The following UNC80 variants were observed in gnomAD, a reference collection of about 807,000 sequenced individuals.
UNC80 encodes the protein protein unc-80 homolog.
UNC80 carries 164 observed loss-of-function variants against 384.6 expected under a neutral mutation model. The observed-to-expected ratio is 0.43, with a 90% confidence interval of 0.38 to 0.49. The LOEUF (loss-of-function observed/expected upper bound fraction) is 0.49, where lower values mean the gene tolerates loss of function less well. Ranked by LOEUF, UNC80 falls within the 20% of genes least tolerant of loss-of-function variation. The pLI is 0.00. For missense variants in UNC80, 3,330 were observed against 4,143.0 expected (o/e 0.80, Z 5.39); for synonymous variants, 1,486 against 1,527.8 (o/e 0.97, Z 0.64).
In UNC80 at chr2:209,829,340, C is replaced by A; in HGVS notation, c.2587C>A (p.His863Asn). Residue 863 changes from histidine to asparagine, a missense_variant, in exon 15 of 65, where the codon CAT (histidine) becomes AAT (asparagine). By Grantham distance (68) the His-to-Asn change is moderately conservative (BLOSUM62 1). Around this residue, in one of 8 missense-constraint regions of UNC80, gnomAD observed 937 missense variants for 1,026.8 expected, o/e 0.91. Coordinates refer to ENST00000673920, the MANE Select transcript of UNC80 (RefSeq NM_001371986.1). ...TCTCAATAATGTAGTGGACTTCTTG[C>A]ATGCTTTGCTAGGATTTTGTATGGA... ...DSLNNVVDFL[H>N]ALLGFCMEPV... 1 of 1,551,324 alleles carries A rather than the reference C, an allele frequency of 6.4e-7. No individual in the cohort carries two copies. The highest frequency in any genetic ancestry group is 8.7e-7 in the Non-Finnish European group (1 of 1,146,734).
In UNC80 at chr2:209,978,833, T is replaced by C. The variant is rs148042413; in HGVS notation, c.9118+125T>C. ...CCCCTAGTCATTTTTACAAAAGGAG[T>C]TCTAGGGGAAATGTGACTGATTCCA... is the stretch of plus-strand genomic sequence containing the variant. On this transcript the variant is annotated intron_variant, in intron 59 of 64. Transcript: ENST00000673920. The C allele has an allele frequency of 8.4e-5, 79 of 938,980 alleles. No individual in the cohort carries two copies. In the South Asian group the frequency reaches 2.4e-3, roughly 29 times the overall value. The allele number at this position is 938,980 out of a possible 1,614,324, so 58.2% of individuals were successfully genotyped here.
chr2:209,950,764 G>A lies in UNC80; in HGVS notation c.7287-3336G>A, dbSNP rs191335386. The stretch of plus-strand genomic sequence containing the variant: ...GTAGAGACAGAGTTTCTCCATGTTG[G>A]TCAGGTTGGTCTTGAACTCCTGACC... On this transcript the variant is annotated intron_variant, in intron 47 of 64. Coordinates refer to ENST00000673920, the MANE Select transcript of UNC80 (RefSeq NM_001371986.1). 7.0e-3 allele frequency among the ~76,000 whole-genome samples: 1,066 copies of A among 152,020 alleles called. 15 individuals carry two copies. The highest frequency in any genetic ancestry group is 0.024 in the African/African-American group (1,008 of 41,492).
chr2:209,802,423 A>G (rs2078624200), intron 7 of UNC80, among the ~76,000 whole-genome samples: 1 of 152,184 alleles, frequency 6.6e-6, no homozygotes, highest in Admixed American at 6.5e-5. Context: ...ATAAATATAT[A>G]ATATTATCCA....
At chr2:209,961,659 G>GA (rs917359348) in intron 51 of UNC80, among the ~76,000 whole-genome samples, 2 of 151,822 alleles carry the variant, frequency 1.3e-5, no homozygotes, top group African/African-American at 4.8e-5. Context: ...AGCAAAGAAT[G>GA]AAAAAAAGAT....
chr2:209,967,610 A>G lies in UNC80; in HGVS notation c.7979A>G (p.Asn2660Ser), dbSNP rs1407562644. The G allele has an allele frequency of 7.1e-6, 11 of 1,551,532 alleles. No individual in the cohort carries two copies. The East Asian group carries it at 2.2e-4, about 31-fold the overall frequency. ...LILKRLDRMF[N>S]KIHKMPTLRR... ...TTAAAAAGATTGGATAGAATGTTCA[A>G]CAAAATTCATAAGATGCCTACTTTG... is the stretch of plus-strand genomic sequence containing the variant. The change falls in exon 52 of 65, where the codon AAC becomes AGC. Residue 2660 changes from asparagine to serine, a missense_variant. By Grantham distance (46) the Asn-to-Ser change is conservative. Transcript: ENST00000673920.
In UNC80 at chr2:209,937,628, C is replaced by T; in HGVS notation, c.6463C>T (p.Gln2155Ter). The T allele has an allele frequency of 6.5e-7, 1 of 1,548,130 alleles. No homozygotes were observed. Among genetic ancestry groups the T allele is most frequent in the Non-Finnish European group, 8.7e-7 (1 of 1,143,486 alleles). The change falls in exon 42 of 65, where the codon CAG becomes TAG. Residue 2155 changes from glutamine (Q) to a stop codon, truncating the protein, a stop_gained and splice_region_variant. Coordinates refer to ENST00000673920, the MANE Select transcript of UNC80 (RefSeq NM_001371986.1). LOFTEE classifies it high-confidence loss of function. The stretch of plus-strand genomic sequence containing the variant: ...GAAGGGACAGGAGCTCATTCAGAAA[C>T]AGGTGACAGACCACGTCAGTTTTAT... Reference protein sequence around the residue: ...PEKGQELIQKQVFTRKLEEVG... With the variant: ...PEKGQELIQK
rs1346799403 is a variant in UNC80, at chr2:209,926,863, C to T, written c.5683C>T (p.His1895Tyr). Reference protein sequence around the residue: ...SAEDEEHTTEHTPNHHVPQPP... With the variant: ...SAEDEEHTTEYTPNHHVPQPP... ...TTTAGATGAGGAACATACCACTGAA[C>T]ACACGCCGAACCACCATGTGCCTCA... The change falls in exon 36 of 65, where the codon CAC becomes TAC. Residue 1895 changes from histidine (H) to tyrosine (Y), a missense_variant. Around this residue, in one of 8 missense-constraint regions of UNC80, gnomAD observed 1,049 missense variants for 1,488.6 expected, o/e 0.70. Coordinates refer to ENST00000673920, the MANE Select transcript of UNC80 (RefSeq NM_001371986.1). The T allele has an allele frequency of 1.2e-5, 18 of 1,552,094 alleles. No individual in the cohort carries two copies. The East Asian group carries it at 4.4e-4, about 38-fold the overall frequency.
At chr2:209,968,748 A>G (rs1249957891) in intron 52 of UNC80, 2 of 152,204 alleles carry the variant, frequency 1.3e-5, no homozygotes, top group South Asian at 2.1e-4. Flanking sequence ...CCTTTCTTAA[A>G]TACTTCATAT....
intron 29 of UNC80, among the ~76,000 whole-genome samples, chr2:209,911,645 T>C (rs906215028): frequency 6.6e-6 from 1 of 152,150 alleles, no homozygotes; most frequent in East Asian, 1.9e-4. Flanking sequence ...GAAGTTCAGT[T>C]TTTTTTCCCT....
rs1033725661 is a variant in UNC80, at chr2:209,819,214, G to A, written c.1915G>A (p.Asp639Asn). 9 of 1,551,650 alleles carry A rather than the reference G, an allele frequency of 5.8e-6. No individual in the cohort carries two copies. The highest frequency in any genetic ancestry group is 7.8e-6 in the Non-Finnish European group (9 of 1,147,018). Residue 639 changes from aspartate (D) to asparagine (N), a missense_variant, in exon 12 of 65, where the codon GAC becomes AAC. Physicochemically the swap from Asp to Asn is conservative, Grantham distance 23. Transcript: ENST00000673920. ...YSYLEDTEHI[D>N]GTNNFVHKNG... ...CTACCTAGAGGACACAGAACATATT[G>A]ACGGGACCAATAACTTTGTCCACAA... is the stretch of plus-strand genomic sequence containing the variant.
In UNC80 at chr2:209,820,330, A is replaced by G; in HGVS notation, c.1982A>G (p.Tyr661Cys). 1 of 1,546,602 alleles carries G rather than the reference A, an allele frequency of 6.5e-7. No individual in the cohort carries two copies. Among genetic ancestry groups the G allele is most frequent in the Non-Finnish European group, 8.7e-7 (1 of 1,144,990 alleles). The change falls in exon 13 of 65, where the codon TAT (tyrosine) becomes TGT (cysteine). Residue 661 changes from tyrosine (Y) to cysteine (C), a missense_variant. Transcript: ENST00000673920. ...LDLSVVLKAV[Y>C]LVLNHDISSR... ...CCTCAGGTAGTTCTGAAGGCTGTTT[A>G]TCTTGTCCTTAATCATGACATCAGC...
At chr2:209,821,224 G>T (rs1342858033) in intron 13 of UNC80, among the ~76,000 whole-genome samples, 1 of 152,130 alleles carries the variant, frequency 6.6e-6, no homozygotes, top group African/African-American at 2.4e-5. Context: ...CTTTGTGCAT[G>T]CAGAGAAAGC....
intron 29 of UNC80, 41 bp downstream of exon 29, chr2:209,905,006 C>A: frequency 2.0e-6 from 3 of 1,536,906 alleles, no homozygotes; most frequent in Non-Finnish European, 2.6e-6. Flanking sequence ...ATACTAGAAA[C>A]ATGATGTCAT....
intron 41 of UNC80, among the ~76,000 whole-genome samples, chr2:209,937,156 G>A (rs2091305043): frequency 6.6e-6 from 1 of 152,202 alleles, no homozygotes; most frequent in Admixed American, 6.5e-5. Flanking sequence ...TGGTATCCAT[G>A]CTAGAGCAGT....
intron 23 of UNC80, among the ~76,000 whole-genome samples, chr2:209,877,715 C>T (rs1394372497): frequency 2.0e-5 from 3 of 152,072 alleles, no homozygotes; most frequent in African/African-American, 4.8e-5. Flanking sequence ...TACAAATATA[C>T]AAAGGTGTCA....
At position 209,996,984 on chromosome 2, in the gene UNC80, A is replaced by G. The variant is rs1381496471; in HGVS notation, c.*1389A>G. 1 of 152,172 alleles carries G rather than the reference A, an allele frequency of 6.6e-6. No homozygotes were observed. Among genetic ancestry groups the G allele is most frequent in the East Asian group, 1.9e-4 (1 of 5,188 alleles). 9.4% of individuals were successfully genotyped at this position (152,172 alleles called of 1,614,324 possible). A position where few individuals can be genotyped will look rare whatever the true frequency, so the allele number is the denominator to read the frequency against. On this transcript the variant is annotated 3_prime_UTR_variant, in exon 65 of 65. Coordinates refer to ENST00000673920, the MANE Select transcript of UNC80 (RefSeq NM_001371986.1). ...GCAATGAATTTAAAACACATTCTGTATGCTTAAACTTTGAGTGCGTTGGCT... is the reference window on the plus strand; with the variant it reads ...GCAATGAATTTAAAACACATTCTGTGTGCTTAAACTTTGAGTGCGTTGGCT...
chr2:209,921,233 C>T (rs2090016854), intron 33 of UNC80, among the ~76,000 whole-genome samples: 1 of 151,964 alleles, frequency 6.6e-6, no homozygotes, highest in Non-Finnish European at 1.5e-5. Flanking sequence ...CATTGATATC[C>T]CTGCAAATCC....
chr2:209,811,176 G>A (rs1236399721), intron 7 of UNC80, among the ~76,000 whole-genome samples: 1 of 152,192 alleles, frequency 6.6e-6, no homozygotes, highest in Admixed American at 6.5e-5. Context: ...CAAGTGGCAT[G>A]CTGGACAATT....
At chr2:209,950,733 CTT>C (rs1479487795) in intron 47 of UNC80, among the ~76,000 whole-genome samples, 1 of 151,922 alleles carries the variant, frequency 6.6e-6, no homozygotes, top group Non-Finnish European at 1.5e-5. Flanking sequence ...TAATTTTGTA[CTT>C]TTAGTAGAGA....
Sources: allele counts gnomAD v4.1 joint callset (sites outside exome capture counted in the v4.1 genomes callset), GRCh38; gene constraint gnomAD v4.1.1; regional missense constraint gnomAD v4.1.1; transcripts MANE v1.5; gene names NCBI Gene and HGNC (gene_info 2026-07-23, HGNC 2026-07-21).